DLEU7: variants seen among roughly 807,000 people sequenced by gnomAD.
The protein encoded by DLEU7 is leukemia-associated protein 7.
In DLEU7, 17 loss-of-function variants were observed where a neutral mutation model predicts 16.0. The ratio of observed to expected loss-of-function variants is 1.06; its 90% CI spans 0.73 to 1.59. The LOEUF is 1.59. Among genes scored for constraint, DLEU7 ranks in the 40% most tolerant of loss-of-function variants. DLEU7 has a pLI of 0.00. For synonymous variants in DLEU7, 113 were observed against 139.8 expected (o/e 0.81, Z 1.35); for missense variants, 308 against 314.9 (o/e 0.98, Z 0.17).
intron 1 of DLEU7, among the ~76,000 whole-genome samples, chr13:50,742,540 A>G (rs1329312989): frequency 1.3e-5 from 2 of 152,212 alleles, no homozygotes; most frequent in East Asian, 3.9e-4. Flanking sequence ...AAGGTTTATG[A>G]TTTGTATTTA....
chr13:50,795,093 G>A (rs771182838), intron 1 of DLEU7, among the ~76,000 whole-genome samples: 8 of 151,940 alleles, frequency 5.3e-5, no homozygotes, highest in Non-Finnish European at 8.8e-5. Flanking sequence ...TGAAATCCTT[G>A]GCTTGTTTTG....
At chr13:50,804,691 C>G (rs1876341531) in intron 1 of DLEU7, among the ~76,000 whole-genome samples, 1 of 152,126 alleles carries the variant, frequency 6.6e-6, no homozygotes, top group Non-Finnish European at 1.5e-5. Flanking sequence ...GGTGATCCGC[C>G]AGCCTAGGCC....
chr13:50,799,638 C>G (rs1876195450), intron 1 of DLEU7, among the ~76,000 whole-genome samples: 1 of 152,170 alleles, frequency 6.6e-6, no homozygotes, highest in Non-Finnish European at 1.5e-5. Context: ...CGGGCACATG[C>G]AGAAACTTAG....
At position 50,713,278 on chromosome 13, in the gene DLEU7, T is replaced by G. The variant is rs761536983; in HGVS notation, c.460-38A>C. On this transcript the variant is annotated intron_variant, in intron 1 of 1. Coordinates refer to the DLEU7 transcript ENST00000400393. ...TAGCATAATATCTCAAATGCTTGCT[T>G]TGCATTTTTTATATTCATTGATTCA... 2.5e-6 allele frequency: 4 copies of G among 1,592,744 alleles called. No homozygotes were observed. The South Asian group carries it at 4.6e-5, about 18-fold the overall frequency.
chr13:50,718,033 A>G (rs763677504), intron 1 of DLEU7, among the ~76,000 whole-genome samples: 3 of 152,206 alleles, frequency 2.0e-5, no homozygotes, highest in Non-Finnish European at 4.4e-5. Flanking sequence ...CTTGTTTCCA[A>G]TGCAGAATCT....
At chr13:50,742,681 G>C (rs908432310) in intron 1 of DLEU7, among the ~76,000 whole-genome samples, 2 of 152,166 alleles carry the variant, frequency 1.3e-5, no homozygotes, top group African/African-American at 4.8e-5. Context: ...CATTGTTCTG[G>C]TAGCAGGGGC....
intron 1 of DLEU7, among the ~76,000 whole-genome samples, chr13:50,810,408 A>G (rs909443079): frequency 1.3e-5 from 2 of 152,142 alleles, no homozygotes; most frequent in African/African-American, 4.8e-5. Context: ...AAACAAAACA[A>G]TATGTTTCTA....
At chr13:50,775,561 G>T (rs1021754780) in intron 1 of DLEU7, among the ~76,000 whole-genome samples, 1 of 151,960 alleles carries the variant, frequency 6.6e-6, no homozygotes, top group South Asian at 2.1e-4. Flanking sequence ...ACTAGGAATC[G>T]GCCAATTATT....
intron 1 of DLEU7, among the ~76,000 whole-genome samples, chr13:50,767,412 C>T (rs1258711739): frequency 7.0e-6 from 1 of 142,426 alleles, no homozygotes; most frequent in African/African-American, 2.6e-5. Context: ...GCCGAGATCG[C>T]GCCACTGCAC....
chr13:50,721,779 A>G (rs1873623679), intron 1 of DLEU7, among the ~76,000 whole-genome samples: 1 of 152,344 alleles, frequency 6.6e-6, no homozygotes, highest in Non-Finnish European at 1.5e-5. Context: ...AGGCATGGGA[A>G]GTACTAGCTA....
chr13:50,834,971 C>T (rs1358301444), intron 1 of DLEU7, among the ~76,000 whole-genome samples: 1 of 146,204 alleles, frequency 6.8e-6, no homozygotes, highest in African/African-American at 2.5e-5. Context: ...CATGTTCTCA[C>T]TCATAAGTGG....
In DLEU7 at chr13:50,788,000, C is replaced by A. The variant is rs541456424; in HGVS notation, c.459+55188G>T. 3.3e-3 allele frequency among the ~76,000 whole-genome samples: 504 copies of A among 152,348 alleles called. 4 individuals are homozygous for A. The highest frequency in any genetic ancestry group is 6.0e-3 in the Non-Finnish European group (407 of 68,042). On this transcript the variant is annotated intron_variant, in intron 1 of 1. Transcript: ENST00000400393. ...GTAGCCTACATTTCCCTCCTTTCCA[C>A]TCTCACAGCTCTGTTCGTGGCACAG...
chr13:50,743,937 C>A (rs1270006036), intron 1 of DLEU7, among the ~76,000 whole-genome samples: 1 of 152,156 alleles, frequency 6.6e-6, no homozygotes, highest in Admixed American at 6.5e-5. Context: ...CTCATCCTTC[C>A]ATACACTGCT....
chr13:50,763,108 C>T lies in DLEU7; in HGVS notation c.460-49868G>A, dbSNP rs116601816. 2.3e-3 allele frequency among the ~76,000 whole-genome samples: 351 copies of T among 152,150 alleles called. 1 individual carries two copies. The highest frequency in any genetic ancestry group is 8.1e-3 in the African/African-American group (335 of 41,498). On this transcript the variant is annotated intron_variant, in intron 1 of 1. Transcript: ENST00000400393. ...AGAGCAGGAGAGATCACCAACTGCA[C>T]GCAGAGGGACAATGATGTGTGAGAT...
chr13:50,791,042 G>C (rs1254898565), intron 1 of DLEU7, among the ~76,000 whole-genome samples: 1 of 152,104 alleles, frequency 6.6e-6, no homozygotes, highest in African/African-American at 2.4e-5. Flanking sequence ...GTGGGCGAGG[G>C]AGGGAGGGAG....
At chr13:50,731,248 A>G (rs1873904508) in intron 1 of DLEU7, among the ~76,000 whole-genome samples, 1 of 152,170 alleles carries the variant, frequency 6.6e-6, no homozygotes, top group South Asian at 2.1e-4. Context: ...TTTCATTTCA[A>G]TAAATCTGTG....
At chr13:50,815,826 C>T (rs1001387875) in intron 1 of DLEU7, among the ~76,000 whole-genome samples, 1 of 152,052 alleles carries the variant, frequency 6.6e-6, no homozygotes, top group Non-Finnish European at 1.5e-5. Flanking sequence ...AATTCCAGCC[C>T]CATTAACTTT....
intron 1 of DLEU7, among the ~76,000 whole-genome samples, chr13:50,831,735 T>C (rs1028421914): frequency 2.0e-5 from 3 of 152,180 alleles, no homozygotes; most frequent in Non-Finnish European, 4.4e-5. Flanking sequence ...CAATCCATGA[T>C]AGATGAAAAG....
At chr13:50,823,544 C>T in intron 1 of DLEU7, 24 bp from the exon 2 acceptor site, 3 of 1,534,316 alleles carry the variant, frequency 2.0e-6, no homozygotes, top group Non-Finnish European at 1.7e-6. Flanking sequence ...CAAACACAAA[C>T]AAGAAATTAG....
Sources: gnomAD v4.1 joint callset for allele counts (sites outside exome capture counted in the v4.1 genomes callset) on GRCh38, gnomAD v4.1.1 for gene constraint, MANE v1.5 for transcripts, NCBI Gene and HGNC (gene_info 2026-07-23, HGNC 2026-07-21) for gene names.